The following ERI3 variants were observed in gnomAD, a reference collection of about 807,000 sequenced individuals.
ERI3 encodes ERI1 exoribonuclease family member 3.
Under a neutral mutation model 44.4 loss-of-function variants are expected in ERI3, and 18 were observed. The observed-to-expected ratio is 0.41, with a 90% CI of 0.28 to 0.60. The LOEUF (loss-of-function observed/expected upper bound fraction) is 0.60. Ranked by LOEUF, ERI3 falls within the 20% of genes least tolerant of loss-of-function variation. The pLI is 0.36. For synonymous variants in ERI3, 183 were observed against 164.8 expected, an observed-to-expected ratio of 1.11 and a Z score of -0.84; for missense variants, 294 against 435.5, an observed-to-expected ratio of 0.68 and a Z score of 2.89.
intron 6 of ERI3, among the ~76,000 whole-genome samples, chr1:44,300,497 A>G (rs1645699899): frequency 6.6e-6 from 1 of 152,202 alleles, no homozygotes; most frequent in Non-Finnish European, 1.5e-5. Context: ...TCCAGAGCAG[A>G]GCAACTATCC....
chr1:44,223,980 C>T (rs749993552), intron 8 of ERI3, among the ~76,000 whole-genome samples: 16 of 152,220 alleles, frequency 1.1e-4, no homozygotes, highest in Non-Finnish European at 1.8e-4. Flanking sequence ...TCTCTCCAAG[C>T]TGCTGCTTAC....
chr1:44,291,294 G>A (rs1645502541), intron 6 of ERI3, among the ~76,000 whole-genome samples: 2 of 152,180 alleles, frequency 1.3e-5, no homozygotes, highest in South Asian at 2.1e-4. Context: ...ACTTATCAAA[G>A]CTGGTTAGTA....
chr1:44,253,102 T>C (rs1440322510), intron 7 of ERI3, among the ~76,000 whole-genome samples: 1 of 152,182 alleles, frequency 6.6e-6, no homozygotes, highest in African/African-American at 2.4e-5. Flanking sequence ...GAAGAGAAAG[T>C]CTGGCAGACA....
chr1:44,242,130 G>A (rs1644452248), intron 8 of ERI3: 2 of 985,612 alleles, frequency 2.0e-6, no homozygotes, highest in Non-Finnish European at 2.4e-6. Flanking sequence ...CATCTCCCTA[G>A]CTTCTCACTT....
chr1:44,230,210 C>T (rs533177249), intron 8 of ERI3: 15 of 152,228 alleles, frequency 9.9e-5, no homozygotes, highest in South Asian at 2.1e-4. Flanking sequence ...AAGTGAAATA[C>T]GCCGTAGTAA....
chr1:44,331,563 C>G (rs950705277), intron 3 of ERI3, among the ~76,000 whole-genome samples: 1 of 152,190 alleles, frequency 6.6e-6, no homozygotes, highest in Non-Finnish European at 1.5e-5. Flanking sequence ...TGTACTTCCA[C>G]TTATAGCATC....
rs1458182513 is a variant in ERI3, at chr1:44,241,696, T to C, written c.931+6243A>G. ...ATTTCTTTGTCATTTAAGTCTGCGA[T>C]GGTTTGACAGGAGATACAGAGAGAG... is the stretch of plus-strand genomic sequence containing the variant. On this transcript the variant is annotated intron_variant, in intron 8 of 8. Transcript: ENST00000372257. This position sits in a 1 kb window ranked among gnomAD's most constrained non-coding sequence, Gnocchi z 5.6. Among the ~76,000 whole-genome samples the C allele has an allele frequency of 6.6e-6, 1 of 152,144 alleles. No individual in the cohort carries two copies. The highest frequency in any genetic ancestry group is 1.5e-5 in the Non-Finnish European group (1 of 68,026).
At chr1:44,253,677 A>G (rs1240465216) in intron 7 of ERI3, among the ~76,000 whole-genome samples, 2 of 152,228 alleles carry the variant, frequency 1.3e-5, no homozygotes, top group Non-Finnish European at 2.9e-5. Flanking sequence ...CAATCACTGG[A>G]AAGTTTCCCT....
intron 3 of ERI3, 69 bp downstream of exon 3, chr1:44,338,976 G>A: frequency 6.4e-7 from 1 of 1,556,032 alleles, no homozygotes; most frequent in Non-Finnish European, 8.7e-7. Flanking sequence ...TTGTGTCCCA[G>A]GAAGCAAAAC....
chr1:44,347,765 G>A (rs1191549183), intron 2 of ERI3, among the ~76,000 whole-genome samples: 3 of 107,534 alleles, frequency 2.8e-5, no homozygotes, highest in Non-Finnish European at 6.4e-5. Context: ...AGGTGAATGT[G>A]TGCATGTGTT....
chr1:44,230,894 A>G (rs1350723003), intron 8 of ERI3, among the ~76,000 whole-genome samples: 2 of 152,236 alleles, frequency 1.3e-5, no homozygotes, highest in Non-Finnish European at 2.9e-5. Context: ...CCTTTGAAAT[A>G]TTAAATCCAA....
intron 8 of ERI3, chr1:44,243,443 C>A (rs1170886325): frequency 6.6e-6 from 1 of 152,260 alleles, no homozygotes; most frequent in Non-Finnish European, 1.5e-5. Context: ...GGAAGGAGGT[C>A]CAGGCCCTGC....
At chr1:44,311,016 CGT>C (rs1442171441) in intron 5 of ERI3, among the ~76,000 whole-genome samples, 2 of 144,396 alleles carry the variant, frequency 1.4e-5, no homozygotes, top group Non-Finnish European at 3.0e-5. Context: ...CACACACACA[CGT>C]GCAGGAATCC....
chr1:44,284,716 A>T, intron 7 of ERI3, 119 bp downstream of exon 7: 10 of 757,516 alleles, frequency 1.3e-5, no homozygotes, highest in Non-Finnish European at 2.2e-5. Context: ...GAAGTTAAGA[A>T]AAGAGAAGAA....
intron 7 of ERI3, among the ~76,000 whole-genome samples, chr1:44,277,335 C>T (rs1036632734): frequency 4.6e-5 from 7 of 152,186 alleles, no homozygotes; most frequent in African/African-American, 1.7e-4. Flanking sequence ...CCCTCCTGCA[C>T]CTTCAACAGG....
intron 6 of ERI3, among the ~76,000 whole-genome samples, chr1:44,302,354 G>A (rs1234786952): frequency 6.6e-6 from 1 of 152,242 alleles, no homozygotes; most frequent in Non-Finnish European, 1.5e-5. Flanking sequence ...AATGAGACAA[G>A]TCAGGACTGG....
chr1:44,353,950 G>A, intron 1 of ERI3: 1 of 985,362 alleles, frequency 1.0e-6, no homozygotes, highest in Non-Finnish European at 1.2e-6. Context: ...ACACACATTA[G>A]TGGAGTCACA....
At chr1:44,277,652 C>T (rs1481590689) in intron 7 of ERI3, among the ~76,000 whole-genome samples, 1 of 152,214 alleles carries the variant, frequency 6.6e-6, no homozygotes, top group East Asian at 1.9e-4. Context: ...GACCACTCCT[C>T]TTCTTCTGAA....
intron 3 of ERI3, among the ~76,000 whole-genome samples, chr1:44,326,127 T>A (rs1408076202): frequency 6.6e-6 from 1 of 152,228 alleles, no homozygotes; most frequent in Non-Finnish European, 1.5e-5. Flanking sequence ...ACTAATCTAT[T>A]CCTTCAACCC....
Sources: gnomAD v4.1 joint callset for allele counts (sites outside exome capture counted in the v4.1 genomes callset) on GRCh38, gnomAD v4.1.1 for gene constraint, Gnocchi (gnomAD v3.1) non-coding constraint, MANE v1.5 for transcripts, NCBI Gene and HGNC (gene_info 2026-07-23, HGNC 2026-07-21) for gene names.